PPP1CC: variants seen among roughly 807,000 people sequenced by gnomAD.
PPP1CC encodes serine/threonine-protein phosphatase PP1-gamma catalytic subunit.
PPP1CC carries 16 observed loss-of-function variants against 38.4 expected under a neutral mutation model. The ratio of observed to expected loss-of-function variants is 0.42; its 90% CI spans 0.28 to 0.63. PPP1CC has a LOEUF of 0.63. PPP1CC is among the 30% of genes least tolerant of loss of function. The pLI is 0.25. For missense variants in PPP1CC, 170 were observed against 391.3 expected (o/e 0.43, Z 4.77); for synonymous variants, 158 against 136.0 (o/e 1.16, Z -1.13).
chr12:110,731,906 A>G lies in PPP1CC; in HGVS notation c.56-5T>C. 4 of 1,609,686 alleles carry G rather than the reference A, an allele frequency of 2.5e-6. No homozygotes were observed. Among genetic ancestry groups the G allele is most frequent in the South Asian group, 1.1e-5 (1 of 90,814 alleles). On this transcript the variant is annotated splice_region_variant and splice_polypyrimidine_tract_variant and intron_variant, in intron 1 of 6. Coordinates refer to ENST00000335007, the MANE Select transcript of PPP1CC (RefSeq NM_002710.4). ...TACCAGGCTTGGACCCTCTCACTGC[A>G]AGAGAAAAATCGCAATTAGTCCAAT... is the stretch of plus-strand genomic sequence containing the variant.
chr12:110,732,138 T>C (rs1167877933), intron 1 of PPP1CC: 1 of 567,766 alleles, frequency 1.8e-6, no homozygotes, highest in Non-Finnish European at 3.1e-6. Flanking sequence ...AAAGGAGCCA[T>C]CCTGTCTGTG....
intron 1 of PPP1CC, among the ~76,000 whole-genome samples, chr12:110,736,589 A>C (rs1316981218): frequency 2.0e-5 from 3 of 152,200 alleles, no homozygotes; most frequent in Admixed American, 1.3e-4. Context: ...TGCTGCATTG[A>C]GCCGAGATCA....
chr12:110,741,214 C>T (rs1399538022), intron 1 of PPP1CC, among the ~76,000 whole-genome samples: 1 of 151,168 alleles, frequency 6.6e-6, no homozygotes, highest in Non-Finnish European at 1.5e-5. Context: ...TTAAAGACAG[C>T]ATAAAAGGAA....
intron 1 of PPP1CC, among the ~76,000 whole-genome samples, chr12:110,738,408 T>C (rs1107652): frequency 0.17 from 25,152 of 152,176 alleles, 3,073 homozygotes; most frequent in African/African-American, 0.35. Context: ...CTTCATATTT[T>C]AATCTCTCAG....
At chr12:110,717,404 C>G (rs1020689958), downstream of PPP1CC, among the ~76,000 whole-genome samples, 1 of 151,942 alleles carries the variant, frequency 6.6e-6, no homozygotes, top group Admixed American at 6.6e-5. Flanking sequence ...TTCAAACCCA[C>G]TTTGTTTGTT....
At chr12:110,721,906 T>C (rs961430045) in intron 6 of PPP1CC, 3 of 520,670 alleles carry the variant, frequency 5.8e-6, no homozygotes, top group African/African-American at 5.8e-5. Context: ...AAGGAGCCAA[T>C]ATGCAATGCA....
downstream of PPP1CC, among the ~76,000 whole-genome samples, chr12:110,716,295 T>C (rs897372154): frequency 6.6e-6 from 1 of 152,132 alleles, no homozygotes; most frequent in African/African-American, 2.4e-5. Context: ...GAGTATAAAG[T>C]TCTTGAACTT....
At chr12:110,718,701 A>G (rs1431655621), downstream of PPP1CC, among the ~76,000 whole-genome samples, 1 of 152,206 alleles carries the variant, frequency 6.6e-6, no homozygotes, top group Non-Finnish European at 1.5e-5. Flanking sequence ...TCACAATGTG[A>G]GACGGCTTCT....
intron 4 of PPP1CC, among the ~76,000 whole-genome samples, chr12:110,724,167 G>A (rs564099905): frequency 1.3e-5 from 2 of 152,258 alleles, no homozygotes; most frequent in African/African-American, 4.8e-5. Flanking sequence ...GAACCTGGGA[G>A]GCAGAGCTTG....
the PPP1CC span, among the ~76,000 whole-genome samples, chr12:110,714,211 A>C: frequency 6.6e-6 from 1 of 152,132 alleles, no homozygotes; most frequent in African/African-American, 2.4e-5. Context: ...GGCAACCAAA[A>C]TGTGCACCCA....
Position 110,721,025 on chromosome 12 carries a change from G to A in PPP1CC, c.*51C>T. ...TACACATTACAGTCTTAAAAATGAA[G>A]GTTATATACTCTATGTTACAAGTCC... On this transcript the variant is annotated 3_prime_UTR_variant, in exon 7 of 7. Transcript: ENST00000335007. 1 of 1,511,820 alleles carries A rather than the reference G, an allele frequency of 6.6e-7. No individual in the cohort carries two copies. The highest frequency in any genetic ancestry group is 1.1e-5 in the South Asian group (1 of 88,842). The allele number at this position is 1,511,820 out of a possible 1,614,324, so 93.7% of individuals were successfully genotyped here. A position where few individuals can be genotyped will look rare whatever the true frequency, so the allele number is the denominator to read the frequency against.
Position 110,724,709 on chromosome 12 carries a change from A to G in PPP1CC, c.474T>C (p.Cys158=), listed in dbSNP as rs758617270. ...CATCCACGATGGCTGCTATCGGTAA[A>G]CAGTTAAAACAGTCTGTGAAAGTTT... The part of the protein sequence containing the change: ...LWKTFTDCFN[C]LPIAAIVDEK... Residue 158 remains cysteine, a synonymous_variant, in exon 4 of 7, where the codon TGT becomes TGC. Transcript: ENST00000335007. The G allele has an allele frequency of 3.7e-6, 6 of 1,613,382 alleles. No homozygotes were observed. Among genetic ancestry groups the G allele is most frequent in the Non-Finnish European group, 4.2e-6 (5 of 1,179,408 alleles).
rs547561442 is a variant in PPP1CC at position 110,734,589 on chromosome 12, G to C, written c.56-2688C>G. 4.6e-4 allele frequency: 71 copies of C among 153,836 alleles called. 1 individual carries two copies. The highest frequency in any genetic ancestry group is 1.7e-3 in the African/African-American group (70 of 41,536). The allele number at this position is 153,836 out of a possible 1,614,324, so 9.5% of individuals were successfully genotyped here. A position where few individuals can be genotyped will look rare whatever the true frequency, so the allele number is the denominator to read the frequency against. Reference sequence around the variant, plus strand: ...AACTCCCGACCTCAGGTGATCCACTGCCTCGGCGCCCAAAGTGCCAGGATT... The same window carrying C: ...AACTCCCGACCTCAGGTGATCCACTCCCTCGGCGCCCAAAGTGCCAGGATT... On this transcript the variant is annotated intron_variant, in intron 1 of 6. Transcript: ENST00000335007.
the PPP1CC span, among the ~76,000 whole-genome samples, chr12:110,713,957 G>A: frequency 2.6e-5 from 4 of 152,034 alleles, no homozygotes. Context: ...AAATTAGCTC[G>A]GCGTGGTGGC....
Position 110,720,191 on chromosome 12 carries a change from C to T in PPP1CC, c.*885G>A. On this transcript the variant is annotated 3_prime_UTR_variant, in exon 7 of 7. Coordinates refer to ENST00000335007, the MANE Select transcript of PPP1CC (RefSeq NM_002710.4). Reference sequence around the variant, plus strand: ...TTGAAGCTTTCTGAATGGACGGGTTCAGGCCTGATGCAACTGTAAAAAGAT... The same window carrying T: ...TTGAAGCTTTCTGAATGGACGGGTTTAGGCCTGATGCAACTGTAAAAAGAT... 6.4e-7 allele frequency: 1 copy of T among 1,552,662 alleles called. No individual in the cohort carries two copies. The highest frequency in any genetic ancestry group is 8.7e-7 in the Non-Finnish European group (1 of 1,154,718).
chr12:110,720,964 C>G lies in PPP1CC; in HGVS notation c.*112G>C, dbSNP rs1440980197. The G allele has an allele frequency of 1.1e-5, 9 of 825,156 alleles. 1 individual carries two copies. In the Admixed American group the frequency reaches 1.6e-4, roughly 15 times the overall value. 51.1% of individuals were successfully genotyped at this position (825,156 alleles called of 1,614,324 possible). On this transcript the variant is annotated 3_prime_UTR_variant, in exon 7 of 7. Transcript: ENST00000335007. Reference sequence around the variant, plus strand: ...TAAATCAAAAATGGAAGGAAGGGCCCCCACAAACACAGATCTATCTGAGCA... The same window carrying G: ...TAAATCAAAAATGGAAGGAAGGGCCGCCACAAACACAGATCTATCTGAGCA...
chr12:110,727,072 C>T (rs1052571421), intron 3 of PPP1CC, among the ~76,000 whole-genome samples: 23 of 152,136 alleles, frequency 1.5e-4, no homozygotes, highest in African/African-American at 5.3e-4. Flanking sequence ...TGAGTGTCCG[C>T]GACTACAGGT....
downstream of PPP1CC, among the ~76,000 whole-genome samples, chr12:110,716,303 C>A (rs968086712): frequency 6.6e-6 from 1 of 151,692 alleles, no homozygotes; most frequent in Non-Finnish European, 1.5e-5. Flanking sequence ...AGTTCTTGAA[C>A]TTATGTAGGT....
At chr12:110,736,425 C>G (rs541963815) in intron 1 of PPP1CC, among the ~76,000 whole-genome samples, 4 of 151,902 alleles carry the variant, frequency 2.6e-5, no homozygotes, top group Admixed American at 6.5e-5. Context: ...GGGAGGATCA[C>G]TTGAGCTCAG....
Sources: allele counts gnomAD v4.1 joint callset (sites outside exome capture counted in the v4.1 genomes callset), GRCh38; gene constraint gnomAD v4.1.1; transcripts MANE v1.5; gene names NCBI Gene and HGNC (gene_info 2026-07-23, HGNC 2026-07-21).